The following PSIP1 variants were observed in gnomAD, a reference collection of about 807,000 sequenced individuals.
PSIP1 encodes PC4 and SFRS1-interacting protein.
In PSIP1, 19 loss-of-function variants were observed where a neutral mutation model predicts 74.7. That is an observed-to-expected ratio of 0.25 (90% CI 0.18 to 0.37). The LOEUF is 0.37. PSIP1 is among the 10% of genes least tolerant of loss of function. The probability of loss-of-function intolerance (pLI) is 1.00; values close to 1 mark genes in which losing one functional copy is unlikely to be tolerated. For synonymous variants in PSIP1, 222 were observed against 195.3 expected (o/e 1.14, Z -1.14); for missense variants, 601 against 614.3 (o/e 0.98, Z 0.23).
chr9:15,491,759 T>A (rs1297202554), intron 3 of PSIP1, among the ~76,000 whole-genome samples: 7 of 152,172 alleles, frequency 4.6e-5, no homozygotes, highest in Non-Finnish European at 1.0e-4. Flanking sequence ...CTGGGTAATT[T>A]ATAAAGAAAA....
At chr9:15,471,876 A>C (rs1204373483) in intron 10 of PSIP1, 1 of 982,482 alleles carries the variant, frequency 1.0e-6, no homozygotes, top group Non-Finnish European at 1.2e-6. Context: ...CAACAAAAAA[A>C]CAAAATTTAG....
At chr9:15,506,535 T>C in intron 3 of PSIP1, 26 bp downstream of exon 3, 1 of 1,519,602 alleles carries the variant, frequency 6.6e-7, no homozygotes. Context: ...TAGCTCTGAT[T>C]TGCCTTTAAA....
At chr9:15,472,047 G>T in intron 10 of PSIP1, 1 of 972,430 alleles carries the variant, frequency 1.0e-6, no homozygotes, top group Non-Finnish European at 1.2e-6. Flanking sequence ...AAATTATATA[G>T]TAAGGGGAAA....
intron 3 of PSIP1, among the ~76,000 whole-genome samples, chr9:15,504,792 A>C (rs180732618): frequency 6.6e-6 from 1 of 152,024 alleles, no homozygotes; most frequent in Admixed American, 6.5e-5. Flanking sequence ...AGAATTAAAG[A>C]CTTTTAAGCT....
chr9:15,467,768 GAA>G (rs1310260476), intron 14 of PSIP1, among the ~76,000 whole-genome samples: 1 of 152,170 alleles, frequency 6.6e-6, no homozygotes, highest in African/African-American at 2.4e-5. Flanking sequence ...TAAAGTTAGT[GAA>G]AAAAGTAGAA....
intron 5 of PSIP1, among the ~76,000 whole-genome samples, chr9:15,486,572 C>G (rs950106664): frequency 6.6e-6 from 1 of 152,100 alleles, no homozygotes; most frequent in Admixed American, 6.5e-5. Flanking sequence ...TTAACACTAC[C>G]GCACCCTACA....
At position 15,465,382 on chromosome 9, in the gene PSIP1, A is replaced by G; in HGVS notation, c.*138T>C. On this transcript the variant is annotated 3_prime_UTR_variant, in exon 16 of 16. Coordinates refer to ENST00000380733, the MANE Select transcript of PSIP1 (RefSeq NM_033222.5). ...GCGATAATGTTTACTTTACTTTAAA[A>G]CAAAGGGATTTTCTCCCTCAAAACA... 2.8e-6 allele frequency: 2 copies of G among 712,536 alleles called. No individual in the cohort carries two copies. The highest frequency in any genetic ancestry group is 3.7e-5 in the South Asian group (2 of 53,688). The allele number at this position is 712,536 out of a possible 1,614,324, so 44.1% of individuals were successfully genotyped here. A position where few individuals can be genotyped will look rare whatever the true frequency, so the allele number is the denominator to read the frequency against.
intron 3 of PSIP1, among the ~76,000 whole-genome samples, chr9:15,503,622 T>TGTGTTCC (rs2037446620): frequency 6.6e-6 from 1 of 151,608 alleles, no homozygotes; most frequent in Admixed American, 6.6e-5. Context: ...TGATCGCCGC[T>TGTGTTCC]GTGTTCCATC....
At chr9:15,471,676 A>T (rs778900659) in intron 10 of PSIP1, 17 of 958,924 alleles carry the variant, frequency 1.8e-5, no homozygotes, top group African/African-American at 3.5e-5. Flanking sequence ...CAAGGAGCTA[A>T]AACTACTTGT....
intron 3 of PSIP1, among the ~76,000 whole-genome samples, chr9:15,497,712 T>C (rs1029061487): frequency 6.6e-6 from 1 of 151,790 alleles, no homozygotes; most frequent in African/African-American, 2.4e-5. Flanking sequence ...TGGGTAGAAA[T>C]GGAAAGTAAA....
chr9:15,474,016 C>T lies in PSIP1; in HGVS notation c.851G>A (p.Gly284Asp), dbSNP rs770188794. The T allele has an allele frequency of 3.4e-5, 55 of 1,610,798 alleles. No individual in the cohort carries two copies. The highest frequency in any genetic ancestry group is 4.5e-5 in the Non-Finnish European group (53 of 1,178,404). ...DSEEEGDDQE[G>D]EKKRKGGRNF... ...TATATGTAAACTTTATACCTTTTCACCTTCTTGATCATCTCCTTCTTCTTC... is the reference window on the plus strand; with the variant it reads ...TATATGTAAACTTTATACCTTTTCATCTTCTTGATCATCTCCTTCTTCTTC... The change falls in exon 9 of 16, where the codon GGT becomes GAT. Residue 284 changes from glycine to aspartate, a missense_variant. By Grantham distance (94) the Gly-to-Asp change is moderately conservative. This residue lies in a region of PSIP1 where 538 missense variants were observed against 507.6 expected (regional missense o/e 1.06). Coordinates refer to ENST00000380733, the MANE Select transcript of PSIP1 (RefSeq NM_033222.5).
chr9:15,472,399 G>A (rs975145457), intron 10 of PSIP1: 146 of 1,324,872 alleles, frequency 1.1e-4, no homozygotes, highest in Non-Finnish European at 1.3e-4. Flanking sequence ...TCTGCACTTC[G>A]TTTAAATTCA....
rs1329713490 is a variant in PSIP1 at position 15,488,857 on chromosome 9, T to C, written c.288+1129A>G. On this transcript the variant is annotated intron_variant, in intron 4 of 15. Coordinates refer to ENST00000380733, the MANE Select transcript of PSIP1 (RefSeq NM_033222.5). The stretch of plus-strand genomic sequence containing the variant: ...TAACACGGTGAAACCCCGTCTCTAC[T>C]AAAAATACAAAAAATTAGCCGGGTG... 2.6e-5 allele frequency among the ~76,000 whole-genome samples: 4 copies of C among 152,158 alleles called. No homozygotes were observed. The East Asian group carries it at 5.8e-4, about 22-fold the overall frequency.
chr9:15,471,674 T>C, intron 10 of PSIP1: 1 of 958,568 alleles, frequency 1.0e-6, no homozygotes, highest in Non-Finnish European at 1.2e-6. Context: ...CTCAAGGAGC[T>C]AAAACTACTT....
intron 15 of PSIP1, 35 bp from the exon 16 acceptor site, chr9:15,465,615 G>A (rs199733249): frequency 6.7e-7 from 1 of 1,495,870 alleles, no homozygotes; most frequent in Non-Finnish European, 9.2e-7. Flanking sequence ...ACTGGAATTA[G>A]GATTTTCTCC....
chr9:15,498,490 A>T (rs920994903), intron 3 of PSIP1, among the ~76,000 whole-genome samples: 7 of 151,922 alleles, frequency 4.6e-5, no homozygotes, highest in Non-Finnish European at 8.8e-5. Context: ...AGACTCAAAA[A>T]TGACAGCAGA....
chr9:15,470,604 T>C (rs538356038), intron 10 of PSIP1: 4 of 951,892 alleles, frequency 4.2e-6, no homozygotes, highest in African/African-American at 1.8e-5. Flanking sequence ...CCAATTCAAA[T>C]AGACAAGAAC....
chr9:15,504,796 T>C (rs1270139576), intron 3 of PSIP1, among the ~76,000 whole-genome samples: 2 of 152,012 alleles, frequency 1.3e-5, no homozygotes, highest in Non-Finnish European at 2.9e-5. Flanking sequence ...TTAAAGACTT[T>C]TAAGCTTATA....
At position 15,470,870 on chromosome 9, in the gene PSIP1, C is replaced by T. The variant is rs1424641588; in HGVS notation, c.978-877G>A. ...TTATATTTTCTAGATGAATAATGTA[C>T]AACCACCATCTTCGTCTGAGCTTGT... On this transcript the variant is annotated intron_variant, in intron 10 of 15. Coordinates refer to ENST00000380733, the MANE Select transcript of PSIP1 (RefSeq NM_033222.5). The T allele has an allele frequency of 2.8e-6, 3 of 1,062,532 alleles. No homozygotes were observed. In the East Asian group the frequency reaches 1.6e-4, roughly 56 times the overall value. 65.8% of individuals were successfully genotyped at this position (1,062,532 alleles called of 1,614,324 possible). A position where few individuals can be genotyped will look rare whatever the true frequency, so the allele number is the denominator to read the frequency against.
Sources: allele counts gnomAD v4.1 joint callset (sites outside exome capture counted in the v4.1 genomes callset), GRCh38; gene constraint gnomAD v4.1.1; regional missense constraint gnomAD v4.1.1; transcripts MANE v1.5; gene names NCBI Gene and HGNC (gene_info 2026-07-23, HGNC 2026-07-21).